Variants in CTNNA2 observed in about 807,000 individuals in gnomAD.
The protein encoded by CTNNA2 is catenin alpha 2, also known as catenin alpha-2.
A neutral mutation model predicts 101.0 loss-of-function variants in CTNNA2; 42 were observed. The ratio of observed to expected loss-of-function variants is 0.42; its 90% CI spans 0.32 to 0.54. The LOEUF is 0.54. Ranked by LOEUF, CTNNA2 falls within the 20% of genes least tolerant of loss-of-function variation. The probability of loss-of-function intolerance (pLI) is 0.14; values close to 1 mark genes in which losing one functional copy is unlikely to be tolerated. For synonymous variants in CTNNA2, 450 were observed against 456.4 expected (o/e 0.99, Z 0.18); for missense variants, 871 against 1,223.1 (o/e 0.71, Z 4.29).
intron 4 of CTNNA2, among the ~76,000 whole-genome samples, chr2:79,384,549 C>T (rs764334404): frequency 6.6e-6 from 1 of 151,924 alleles, no homozygotes; most frequent in African/African-American, 2.4e-5. Flanking sequence ...GTGATATATA[C>T]TAAGTGGTAT....
chr2:79,973,101 G>A (rs1690601102), intron 7 of CTNNA2, among the ~76,000 whole-genome samples: 1 of 151,994 alleles, frequency 6.6e-6, no homozygotes, highest in Non-Finnish European at 1.5e-5. Flanking sequence ...TAATTGCCCT[G>A]AAATAAATTC....
intron 9 of CTNNA2, among the ~76,000 whole-genome samples, chr2:80,488,481 GA>G (rs893286816): frequency 5.3e-5 from 8 of 151,378 alleles, no homozygotes; most frequent in Admixed American, 6.6e-5. Context: ...AACCCTAAGA[GA>G]AAAAAAACCT....
intron 3 of CTNNA2, among the ~76,000 whole-genome samples, chr2:79,829,740 G>A (rs1678772527): frequency 2.9e-5 from 4 of 139,760 alleles, no homozygotes; most frequent in Admixed American, 2.8e-4. Context: ...TTATTTTTGA[G>A]ACGGAGTCTC....
intron 7 of CTNNA2, among the ~76,000 whole-genome samples, chr2:80,075,958 A>G (rs1175602287): frequency 6.6e-6 from 1 of 151,984 alleles, no homozygotes; most frequent in East Asian, 2.0e-4. Context: ...CAATGAGGAA[A>G]GGAGTGCTAG....
chr2:80,553,681 G>T (rs1692780034), intron 11 of CTNNA2, among the ~76,000 whole-genome samples: 1 of 152,150 alleles, frequency 6.6e-6, no homozygotes, highest in Non-Finnish European at 1.5e-5. Context: ...ATAGCAGCCG[G>T]ATGTGTGATT....
intron 3 of CTNNA2, among the ~76,000 whole-genome samples, chr2:79,366,164 T>C (rs1677746113): frequency 6.6e-6 from 1 of 152,156 alleles, no homozygotes; most frequent in Admixed American, 6.5e-5. Flanking sequence ...AGGAGGAGCT[T>C]CCCTTTGATA....
chr2:79,541,839 A>G (rs1673443552), intron 1 of CTNNA2, among the ~76,000 whole-genome samples: 1 of 151,856 alleles, frequency 6.6e-6, no homozygotes, highest in Non-Finnish European at 1.5e-5. Context: ...GTTGTCCAGG[A>G]TGGTGTCGAT....
intron 2 of CTNNA2, among the ~76,000 whole-genome samples, chr2:79,653,948 T>G (rs1019279630): frequency 6.6e-6 from 1 of 152,114 alleles, no homozygotes; most frequent in African/African-American, 2.4e-5. Context: ...AATAACATGT[T>G]TCTCATTTCC....
At chr2:80,092,752 G>A (rs771041511) in intron 7 of CTNNA2, among the ~76,000 whole-genome samples, 1 of 152,060 alleles carries the variant, frequency 6.6e-6, no homozygotes, top group Non-Finnish European at 1.5e-5. Context: ...TCATTGAGGA[G>A]AATGCATCTT....
chr2:79,758,202 C>T (rs1040684404), intron 3 of CTNNA2, among the ~76,000 whole-genome samples: 1 of 152,122 alleles, frequency 6.6e-6, no homozygotes, highest in Admixed American at 6.6e-5. Context: ...GGTTATCAAG[C>T]ATTTTCTCTC....
intron 3 of CTNNA2, among the ~76,000 whole-genome samples, chr2:79,857,647 T>A (rs1277090099): frequency 6.6e-6 from 1 of 152,220 alleles, no homozygotes; most frequent in Non-Finnish European, 1.5e-5. Context: ...GTAACTTCAA[T>A]GAGTTGCATG....
rs780311540 is a variant in CTNNA2, at chr2:79,704,510, C to CTT, written c.103-39858_103-39857dup. Among the ~76,000 whole-genome samples, 656 of 127,568 alleles carry CTT rather than the reference C, an allele frequency of 5.1e-3. 13 individuals are homozygous for CTT. The highest frequency in any genetic ancestry group is 0.027 in the East Asian group (112 of 4,124). The allele number at this position is 127,568 out of a possible 152,430, so 83.7% of individuals were successfully genotyped here. A position where few individuals can be genotyped will look rare whatever the true frequency, so the allele number is the denominator to read the frequency against. On this transcript the variant is annotated intron_variant, in intron 2 of 18. Coordinates refer to ENST00000402739, the MANE Select transcript of CTNNA2 (RefSeq NM_001282597.3). The stretch of plus-strand genomic sequence containing the variant: ...GTTCTGAGCATATTCACTTGTGCTT[C>CTT]TTTTTTTTTTTTTTTTTTTTGAGAC...
At chr2:80,484,425 TTAATAA>T (rs1686391092) in intron 9 of CTNNA2, among the ~76,000 whole-genome samples, 2 of 152,120 alleles carry the variant, frequency 1.3e-5, no homozygotes. Flanking sequence ...TGTCTTAAAA[TTAATAA>T]TAGTAATAAT....
intron 9 of CTNNA2, among the ~76,000 whole-genome samples, chr2:80,425,333 T>G (rs553834035): frequency 2.5e-4 from 38 of 152,348 alleles, no homozygotes; most frequent in Admixed American, 4.6e-4. Flanking sequence ...GTTGTTTTTG[T>G]TGTTAGTATT....
chr2:80,446,021 G>A (rs1350961599), intron 9 of CTNNA2, among the ~76,000 whole-genome samples: 1 of 152,100 alleles, frequency 6.6e-6, no homozygotes, highest in Non-Finnish European at 1.5e-5. Flanking sequence ...TGTATGACTG[G>A]ATACATGGCA....
chr2:79,507,280 T>C (rs1671433627), intron 5 of CTNNA2, among the ~76,000 whole-genome samples: 1 of 152,232 alleles, frequency 6.6e-6, no homozygotes, highest in South Asian at 2.1e-4. Flanking sequence ...ATGTGTCCCT[T>C]AATGTTCATG....
intron 4 of CTNNA2, among the ~76,000 whole-genome samples, chr2:79,400,116 G>T (rs1049336052): frequency 4.6e-5 from 7 of 152,132 alleles, no homozygotes; most frequent in African/African-American, 1.2e-4. Flanking sequence ...GCAGGGAGGG[G>T]TCTTCCAGGT....
At chr2:79,901,159 A>C (rs1033889608) in intron 6 of CTNNA2, among the ~76,000 whole-genome samples, 4 of 151,724 alleles carry the variant, frequency 2.6e-5, no homozygotes, top group South Asian at 4.1e-4. Context: ...CCATATCAGA[A>C]GGACATATTC....
chr2:79,317,417 T>C (rs1445871947), intron 3 of CTNNA2, among the ~76,000 whole-genome samples: 2 of 152,056 alleles, frequency 1.3e-5, no homozygotes, highest in East Asian at 1.9e-4. Context: ...AACACTGGCC[T>C]CATAGATTGG....
Sources: allele counts gnomAD v4.1 joint callset (sites outside exome capture counted in the v4.1 genomes callset), GRCh38; gene constraint gnomAD v4.1.1; transcripts MANE v1.5; gene names NCBI Gene and HGNC (gene_info 2026-07-23, HGNC 2026-07-21).